Variants in DYRK4 observed in about 807,000 individuals in gnomAD.
DYRK4 encodes dual specificity tyrosine phosphorylation regulated kinase 4.
DYRK4 carries 64 observed loss-of-function variants against 68.3 expected under a neutral mutation model. The ratio of observed to expected loss-of-function variants is 0.94; its 90% confidence interval spans 0.77 to 1.15. The LOEUF is 1.15. DYRK4 is among the 50% of genes most tolerant of loss of function. The pLI, the probability that DYRK4 is intolerant of heterozygous loss-of-function variation, is 0.00. For missense variants in DYRK4, 740 were observed against 764.7 expected (o/e 0.97, Z 0.38); for synonymous variants, 274 against 289.9 (o/e 0.95, Z 0.56).
intron 6 of DYRK4, 108 bp from the exon 7 acceptor site, chr12:4,596,041 T>A: frequency 8.2e-7 from 1 of 1,222,150 alleles, no homozygotes. Flanking sequence ...AGTTAGAAAA[T>A]TCCTCCAGGA....
intron 3 of DYRK4, 121 bp downstream of exon 3, chr12:4,589,138 A>C: frequency 1.2e-6 from 1 of 823,534 alleles, no homozygotes; most frequent in South Asian, 1.7e-5. Context: ...ACATGATGAC[A>C]GCACTCTATC....
At chr12:4,590,871 G>A (rs1041226782) in intron 4 of DYRK4, 19 of 452,238 alleles carry the variant, frequency 4.2e-5, no homozygotes, top group African/African-American at 2.0e-5. Flanking sequence ...ACCTTCTTAA[G>A]AGCAGCAGTG....
In DYRK4 at chr12:4,586,032, G is replaced by A. The variant is rs534337916; in HGVS notation, c.133-2905G>A. ...AGTTTGAGACCAGCCTGGGAAAACA[G>A]CAAGATCCTGTCTCTACCAAAAATA... is the stretch of plus-strand genomic sequence containing the variant. On this transcript the variant is annotated intron_variant, in intron 2 of 14. Coordinates refer to ENST00000543431, the MANE Select transcript of DYRK4 (RefSeq NM_001394779.1). Among the ~76,000 whole-genome samples, 170 of 152,204 alleles carry A rather than the reference G, an allele frequency of 1.1e-3. 2 individuals are homozygous for A. Among genetic ancestry groups the A allele is most frequent in the Admixed American group, 5.6e-3 (86 of 15,290 alleles).
intron 2 of DYRK4, among the ~76,000 whole-genome samples, chr12:4,570,907 G>A (rs1944724261): frequency 6.6e-6 from 1 of 152,194 alleles, no homozygotes; most frequent in East Asian, 1.9e-4. Flanking sequence ...AAACCTTGAT[G>A]CCAGTGGAGC....
chr12:4,570,255 TA>T (rs1052883064), intron 2 of DYRK4, among the ~76,000 whole-genome samples: 18 of 150,774 alleles, frequency 1.2e-4, no homozygotes, highest in Admixed American at 8.6e-4. Flanking sequence ...AAATAAAATT[TA>T]AAAAAAAAGT....
At chr12:4,608,665 C>G (rs1945182143) in intron 12 of DYRK4, among the ~76,000 whole-genome samples, 1 of 152,130 alleles carries the variant, frequency 6.6e-6, no homozygotes, top group South Asian at 2.1e-4. Flanking sequence ...GAAGGCCAAG[C>G]AAGCAGAAGT....
chr12:4,592,109 T>C (rs1314290524), intron 5 of DYRK4, among the ~76,000 whole-genome samples: 1 of 152,194 alleles, frequency 6.6e-6, no homozygotes, highest in East Asian at 1.9e-4. Flanking sequence ...TGGTGCTTGT[T>C]GTTCTTAAAC....
chr12:4,581,070 T>C (rs944961687), intron 2 of DYRK4: 1 of 318,474 alleles, frequency 3.1e-6, no homozygotes, highest in Non-Finnish European at 6.2e-6. Flanking sequence ...ACCAGTCCTA[T>C]TATCCTTTGG....
At chr12:4,597,963 G>A (rs1228190941) in intron 8 of DYRK4, among the ~76,000 whole-genome samples, 2 of 152,140 alleles carry the variant, frequency 1.3e-5, no homozygotes, top group East Asian at 1.9e-4. Context: ...CTACTTGAGA[G>A]GCTGAGGCAG....
chr12:4,604,150 C>G (rs368209765), intron 10 of DYRK4, among the ~76,000 whole-genome samples: 94 of 152,314 alleles, frequency 6.2e-4, no homozygotes, highest in African/African-American at 1.9e-3. Context: ...CTGGCACATA[C>G]TAAACATAAT....
Position 4,604,840 on chromosome 12 carries a change from A to G in DYRK4, c.1127-74A>G, listed in dbSNP as rs1027171329. The G allele has an allele frequency of 6.9e-6, 10 of 1,456,442 alleles. 1 individual carries two copies. The African/African-American group carries it at 1.0e-4, about 15-fold the overall frequency. 90.2% of individuals were successfully genotyped at this position (1,456,442 alleles called of 1,614,324 possible). ...CAGCGGGGGCGCAGTCTAACTGAGA[A>G]GTTGTCCTGGGGGAGAGCGTTCTGG... On this transcript the variant is annotated intron_variant, in intron 10 of 14. Coordinates refer to ENST00000543431, the MANE Select transcript of DYRK4 (RefSeq NM_001394779.1).
intron 6 of DYRK4, 88 bp downstream of exon 6, chr12:4,593,253 A>G: frequency 2.1e-6 from 3 of 1,463,110 alleles, no homozygotes; most frequent in South Asian, 1.3e-5. Context: ...ATTTTGTAGT[A>G]TTTGGGGCTG....
rs79980821 is a variant in DYRK4, at chr12:4,580,797, A to T, written c.133-8140A>T. The T allele has an allele frequency of 9.4e-3, 4,001 of 424,508 alleles. 106 individuals carry two copies. Among genetic ancestry groups the T allele is most frequent in the African/African-American group, 0.074 (3,545 of 47,710 alleles). 26.3% of individuals were successfully genotyped at this position (424,508 alleles called of 1,614,324 possible). ...CCATCCAACCACCAGGCACTTAGGG[A>T]TTTTTTTTTTTTTAAATGGGAAACA... On this transcript the variant is annotated intron_variant, in intron 2 of 14. Coordinates refer to ENST00000543431, the MANE Select transcript of DYRK4 (RefSeq NM_001394779.1).
At position 4,613,675 on chromosome 12, in the gene DYRK4, G is replaced by A. The variant is rs779275283; in HGVS notation, c.1827G>A (p.Ala609=). The change falls in exon 15 of 15, where the codon GCG becomes GCA. Residue 609 remains alanine (A), a synonymous_variant. Coordinates refer to ENST00000543431, the MANE Select transcript of DYRK4 (RefSeq NM_001394779.1). This position sits in a 1 kb window ranked among gnomAD's most constrained non-coding sequence, Gnocchi z 4.0. ...AGAAGTCAGAGGCAGCTGTCGGGGC[G>A]GAGGTGTCCATGACCTCCCCAGGAC... ...APKKSEAAVG[A]EVSMTSPGQS... 48 of 1,612,974 alleles carry A rather than the reference G, an allele frequency of 3.0e-5. No individual in the cohort carries two copies. The highest frequency in any genetic ancestry group is 5.3e-5 in the African/African-American group (4 of 74,906).
chr12:4,578,840 C>T (rs1806112655), intron 2 of DYRK4, among the ~76,000 whole-genome samples: 1 of 152,168 alleles, frequency 6.6e-6, no homozygotes, highest in Admixed American at 6.5e-5. Context: ...TTTTCTCTAT[C>T]CTGTGAGGCC....
Position 4,562,290 on chromosome 12 carries a change from G to A in DYRK4, c.38+7G>A. ...CTATCCGCACCGGAACAAAGTAAGG[G>A]CCGCGGAGGCTCGTACTTCACGAGC... On this transcript the variant is annotated splice_region_variant and intron_variant, in intron 1 of 14. Coordinates refer to ENST00000543431, the MANE Select transcript of DYRK4 (RefSeq NM_001394779.1). 1 of 1,532,050 alleles carries A rather than the reference G, an allele frequency of 6.5e-7. No homozygotes were observed. The allele number at this position is 1,532,050 out of a possible 1,614,324, so 94.9% of individuals were successfully genotyped here. A position where few individuals can be genotyped will look rare whatever the true frequency, so the allele number is the denominator to read the frequency against.
At chr12:4,579,440 C>A (rs778616098) in intron 2 of DYRK4, among the ~76,000 whole-genome samples, 2 of 152,176 alleles carry the variant, frequency 1.3e-5, no homozygotes, top group Non-Finnish European at 2.9e-5. Context: ...TAATGCCCAG[C>A]GTACCATTTC....
chr12:4,601,777 A>T (rs577146246), intron 10 of DYRK4, among the ~76,000 whole-genome samples: 7 of 152,186 alleles, frequency 4.6e-5, no homozygotes, highest in African/African-American at 1.2e-4. Flanking sequence ...TTCAATTTTT[A>T]AAATTTTTTT....
chr12:4,590,425 A>C lies in DYRK4; in HGVS notation c.309A>C (p.Ser103=). 4 of 1,536,032 alleles carry C rather than the reference A, an allele frequency of 2.6e-6. No homozygotes were observed. Among genetic ancestry groups the C allele is most frequent in the Non-Finnish European group, 3.5e-6 (4 of 1,146,852 alleles). ...TTAGCAAGAAAGTCCTGCTGAAGTC[A>C]TCCCTGCTGTATCAGGTGAGTGCAG... ...PHISKKVLLK[S]SLLYQENQAH... is the part of the protein sequence containing the mutation. The change falls in exon 4 of 15, where the codon TCA becomes TCC. Residue 103 remains serine, a synonymous_variant. Coordinates refer to ENST00000543431, the MANE Select transcript of DYRK4 (RefSeq NM_001394779.1).
Sources: allele counts gnomAD v4.1 joint callset (sites outside exome capture counted in the v4.1 genomes callset), GRCh38; gene constraint gnomAD v4.1.1; non-coding constraint Gnocchi (gnomAD v3.1); transcripts MANE v1.5; gene names NCBI Gene and HGNC (gene_info 2026-07-23, HGNC 2026-07-21).